Variants in ACAP2 observed in about 807,000 individuals in gnomAD.
ACAP2 encodes the protein arf-GAP with coiled-coil, ANK repeat and PH domain-containing protein 2.
ACAP2 carries 39 observed loss-of-function variants against 115.8 expected under a neutral mutation model. That is an observed-to-expected ratio of 0.34 (90% confidence interval 0.26 to 0.44). The LOEUF is 0.44. ACAP2 is among the 20% of genes least tolerant of loss of function. The pLI, the probability that ACAP2 is intolerant of heterozygous loss-of-function variation, is 1.00. For synonymous variants in ACAP2, 289 were observed against 315.8 expected (o/e 0.92, Z 0.90); for missense variants, 662 against 927.6 (o/e 0.71, Z 3.72).
At chr3:195,404,728 A>C (rs1712601278) in intron 1 of ACAP2, among the ~76,000 whole-genome samples, 1 of 149,394 alleles carries the variant, frequency 6.7e-6, no homozygotes. Flanking sequence ...ACACGCACAT[A>C]TGTATTTATA....
chr3:195,291,293 C>T (rs1012570944), intron 20 of ACAP2, among the ~76,000 whole-genome samples: 2 of 152,110 alleles, frequency 1.3e-5, no homozygotes, highest in African/African-American at 4.8e-5. Flanking sequence ...TTTAGCTACC[C>T]TGTGGAAAAA....
chr3:195,391,519 C>A (rs992965512), intron 2 of ACAP2, among the ~76,000 whole-genome samples: 1 of 152,130 alleles, frequency 6.6e-6, no homozygotes, highest in African/African-American at 2.4e-5. Context: ...AGCCACCACA[C>A]CTGGCCCCAG....
At chr3:195,291,151 C>A (rs1727228079) in intron 20 of ACAP2, among the ~76,000 whole-genome samples, 1 of 152,160 alleles carries the variant, frequency 6.6e-6, no homozygotes, top group Admixed American at 6.5e-5. Context: ...ATAAAGCCAG[C>A]ATTTTCTTTC....
At chr3:195,336,509 A>C (rs1730517648) in intron 7 of ACAP2, 1 of 153,266 alleles carries the variant, frequency 6.5e-6, no homozygotes, top group Non-Finnish European at 1.5e-5. Context: ...ATTTTAAAGC[A>C]AAACAAGTAA....
chr3:195,434,770 T>C (rs935470219), intron 1 of ACAP2, among the ~76,000 whole-genome samples: 1 of 152,230 alleles, frequency 6.6e-6, no homozygotes, highest in East Asian at 1.9e-4. Context: ...TAAATCTCTA[T>C]TTTTTATAGG....
chr3:195,386,256 A>G (rs985138851), intron 2 of ACAP2, among the ~76,000 whole-genome samples: 3 of 152,212 alleles, frequency 2.0e-5, no homozygotes, highest in African/African-American at 7.2e-5. Flanking sequence ...AGTGACTGCT[A>G]ATAGATACAG....
At chr3:195,316,841 C>A (rs1373042976) in intron 10 of ACAP2, among the ~76,000 whole-genome samples, 1 of 149,244 alleles carries the variant, frequency 6.7e-6, no homozygotes, top group African/African-American at 2.5e-5. Flanking sequence ...CTGGCAATAT[C>A]AAATGCTGGG....
At chr3:195,400,495 T>C (rs1274207531) in intron 1 of ACAP2, among the ~76,000 whole-genome samples, 6 of 151,204 alleles carry the variant, frequency 4.0e-5, no homozygotes, top group Admixed American at 3.3e-4. Context: ...TATGAAGTTA[T>C]TCTTTTTCCC....
intron 4 of ACAP2, among the ~76,000 whole-genome samples, chr3:195,352,942 G>A (rs1048247153): frequency 6.6e-6 from 1 of 152,058 alleles, no homozygotes; most frequent in African/African-American, 2.4e-5. Flanking sequence ...TTAGCTGGGT[G>A]TGGTGGCGCA....
intron 1 of ACAP2, among the ~76,000 whole-genome samples, chr3:195,423,543 A>C (rs1248510428): frequency 6.6e-6 from 1 of 151,102 alleles, no homozygotes; most frequent in Non-Finnish European, 1.5e-5. Context: ...AAATCGCTTG[A>C]ACCTGGGAGG....
At chr3:195,412,898 G>T (rs1054842222) in intron 1 of ACAP2, 1 of 456,382 alleles carries the variant, frequency 2.2e-6, no homozygotes, top group Admixed American at 2.3e-5. Flanking sequence ...GGTAAAACAA[G>T]CCCCTGCTCT....
chr3:195,442,393 G>A (rs1716073482), intron 1 of ACAP2: 1 of 270,782 alleles, frequency 3.7e-6, no homozygotes, highest in Non-Finnish European at 7.1e-6. Context: ...TGGGGAGGGG[G>A]TGGAAACCAA....
chr3:195,340,812 G>A (rs1265346899), intron 6 of ACAP2, among the ~76,000 whole-genome samples: 1 of 152,098 alleles, frequency 6.6e-6, no homozygotes, highest in African/African-American at 2.4e-5. Context: ...GGTATAATGT[G>A]AGGTAGGTAA....
chr3:195,435,089 C>T lies in ACAP2; in HGVS notation c.53+7706G>A, dbSNP rs559641694. Among the ~76,000 whole-genome samples the T allele has an allele frequency of 5.0e-4, 76 of 151,886 alleles. 4 individuals are homozygous for T. Among genetic ancestry groups the T allele is most frequent in the African/African-American group, 1.7e-3 (72 of 41,284 alleles). On this transcript the variant is annotated intron_variant, in intron 1 of 22. Coordinates refer to ENST00000326793, the MANE Select transcript of ACAP2 (RefSeq NM_012287.6). ...CTATTTTCTCTTATTTCTGCTCTAC[C>T]TTTTTTAGTTTCTTCCCTTTCGCTG...
rs557038776 is a variant in ACAP2 at position 195,278,223 on chromosome 3, C to T, written c.*1105G>A. On this transcript the variant is annotated 3_prime_UTR_variant, in exon 23 of 23. Transcript: ENST00000326793. ...TTCAGGGGTCTGTGAATCATGTAAC[C>T]GAATACTAAAGCTATATACACGATA... 10 of 151,878 alleles carry T rather than the reference C, an allele frequency of 6.6e-5. No homozygotes were observed. Among genetic ancestry groups the T allele is most frequent in the African/African-American group, 1.7e-4 (7 of 41,424 alleles). 9.4% of individuals were successfully genotyped at this position (151,878 alleles called of 1,614,324 possible).
At position 195,302,188 on chromosome 3, in the gene ACAP2, G is replaced by A; in HGVS notation, c.1117-14C>T. 3 of 1,585,594 alleles carry A rather than the reference G, an allele frequency of 1.9e-6. No homozygotes were observed. The highest frequency in any genetic ancestry group is 1.8e-5 in the Admixed American group (1 of 55,680). ...CTTATCCAGCTTCTAAAAGAATTAA[G>A]AATTACTTGTTTTTAAAAAAAAAAA... On this transcript the variant is annotated splice_polypyrimidine_tract_variant and intron_variant, in intron 13 of 22. Transcript: ENST00000326793.
chr3:195,357,955 T>C (rs1293665050), intron 4 of ACAP2, among the ~76,000 whole-genome samples: 1 of 152,056 alleles, frequency 6.6e-6, no homozygotes, highest in African/African-American at 2.4e-5. Flanking sequence ...AACCATCAGA[T>C]CTCATGTAAT....
intron 22 of ACAP2, chr3:195,282,176 A>C (rs1302535770): frequency 6.6e-6 from 1 of 152,216 alleles, no homozygotes; most frequent in African/African-American, 2.4e-5. Context: ...GAACTTTTTA[A>C]ATGGTTTCTC....
In ACAP2 at chr3:195,304,005, C is replaced by CA. The variant is rs551018803; in HGVS notation, c.1117-1832dup. Among the ~76,000 whole-genome samples the CA allele has an allele frequency of 6.0e-5, 9 of 149,184 alleles. No homozygotes were observed. In the South Asian group the frequency reaches 6.4e-4, roughly 11 times the overall value. On this transcript the variant is annotated intron_variant, in intron 13 of 22. Transcript: ENST00000326793. ...TGAAACCCTGTCTCTACTAAAAATA[C>CA]AAAAAAAAATTAGCCGGGCATGGTG...
Sources: gnomAD v4.1 joint callset for allele counts (sites outside exome capture counted in the v4.1 genomes callset) on GRCh38, gnomAD v4.1.1 for gene constraint, MANE v1.5 for transcripts, NCBI Gene and HGNC (gene_info 2026-07-23, HGNC 2026-07-21) for gene names.